Variants in PTPRN2 observed in about 807,000 individuals in gnomAD.
The protein encoded by PTPRN2 is protein tyrosine phosphatase receptor type N2, also known as receptor-type tyrosine-protein phosphatase N2.
A neutral mutation model predicts 118.8 loss-of-function variants in PTPRN2; 74 were observed. The ratio of observed to expected loss-of-function variants is 0.62; its 90% CI spans 0.52 to 0.76. The LOEUF (loss-of-function observed/expected upper bound fraction) is 0.76, where lower values mean the gene tolerates loss of function less well. Among genes scored for constraint, PTPRN2 ranks in the 30% least tolerant of loss-of-function variants. PTPRN2 has a pLI of 0.00. For missense variants in PTPRN2, 1,481 were observed against 1,394.4 expected, an observed-to-expected ratio of 1.06 and a Z score of -0.99; for synonymous variants, 641 against 608.0, an observed-to-expected ratio of 1.05 and a Z score of -0.80.
intron 11 of PTPRN2, among the ~76,000 whole-genome samples, chr7:157,930,786 A>C (rs1014910898): frequency 2.0e-5 from 3 of 152,086 alleles, no homozygotes; most frequent in African/African-American, 7.2e-5. Context: ...CAGGCTGCTC[A>C]CAGGCACTGC....
intron 12 of PTPRN2, among the ~76,000 whole-genome samples, chr7:157,717,903 G>A (rs1478377905): frequency 6.6e-6 from 1 of 152,260 alleles, no homozygotes; most frequent in Non-Finnish European, 1.5e-5. Context: ...AGGTTTATAT[G>A]AAGCCATTTT....
chr7:158,447,548 G>C (rs993099156), intron 2 of PTPRN2, among the ~76,000 whole-genome samples: 1 of 152,162 alleles, frequency 6.6e-6, no homozygotes, highest in Non-Finnish European at 1.5e-5. Flanking sequence ...CTGCCCACGC[G>C]GCCCGATAAG....
chr7:157,849,897 C>T (rs770635328), intron 12 of PTPRN2, among the ~76,000 whole-genome samples: 8 of 152,194 alleles, frequency 5.3e-5, no homozygotes, highest in Non-Finnish European at 1.2e-4. Flanking sequence ...GACCCTTCAC[C>T]GCTGGCCCTG....
At chr7:157,937,209 G>A (rs1035387051) in intron 11 of PTPRN2, among the ~76,000 whole-genome samples, 2 of 152,166 alleles carry the variant, frequency 1.3e-5, no homozygotes. Context: ...TCCTTAGCCC[G>A]AGTGACCACG....
rs150001137 is a variant in PTPRN2 at position 157,786,473 on chromosome 7, C to T, written c.1789-103536G>A. Among the ~76,000 whole-genome samples, 454 of 152,346 alleles carry T rather than the reference C, an allele frequency of 3.0e-3. 3 individuals carry two copies. Among genetic ancestry groups the T allele is most frequent in the African/African-American group, 9.8e-3 (408 of 41,568 alleles). On this transcript the variant is annotated intron_variant, in intron 12 of 22. Coordinates refer to ENST00000389418, the MANE Select transcript of PTPRN2 (RefSeq NM_002847.5). Reference sequence around the variant, plus strand: ...GTCCCATTCACAAAGCACTCCTGGGCACTGTCCCAGCTGTGGATGGCACTG... The same window carrying T: ...GTCCCATTCACAAAGCACTCCTGGGTACTGTCCCAGCTGTGGATGGCACTG...
intron 15 of PTPRN2, among the ~76,000 whole-genome samples, chr7:157,612,479 G>T (rs1036819142): frequency 6.6e-6 from 1 of 152,246 alleles, no homozygotes; most frequent in Admixed American, 6.5e-5. Context: ...CAGCTCACAC[G>T]CCTTATCACC....
intron 3 of PTPRN2, among the ~76,000 whole-genome samples, chr7:158,279,156 C>T (rs1799241195): frequency 1.3e-5 from 2 of 152,328 alleles, no homozygotes; most frequent in South Asian, 2.1e-4. Flanking sequence ...CATATCTGGC[C>T]GCACCTACAT....
intron 11 of PTPRN2, among the ~76,000 whole-genome samples, chr7:157,945,928 A>G (rs2128796467): frequency 6.6e-6 from 1 of 152,150 alleles, no homozygotes; most frequent in Middle Eastern, 3.4e-3. Flanking sequence ...CCCTTCCTGG[A>G]CATCCCTACC....
At chr7:158,337,616 GAGGAGACACCTGCAGACGTCATTC>G (rs1563168168) in intron 2 of PTPRN2, among the ~76,000 whole-genome samples, 6 of 32,478 alleles carry the variant, frequency 1.8e-4, no homozygotes, top group Non-Finnish European at 4.4e-4. Flanking sequence ...CTCACCATAA[GAGGAGACACCTGCAGACGTCATTC>G]ACACCCACAC....
chr7:157,669,875 C>T (rs1045195341), intron 13 of PTPRN2, among the ~76,000 whole-genome samples: 17 of 152,244 alleles, frequency 1.1e-4, no homozygotes, highest in South Asian at 6.2e-4. Flanking sequence ...GGCATCCAGG[C>T]GTGTGCTGTT....
intron 14 of PTPRN2, among the ~76,000 whole-genome samples, chr7:157,642,750 T>C (rs1403137070): frequency 6.9e-6 from 1 of 145,866 alleles, no homozygotes; most frequent in Non-Finnish European, 1.5e-5. Flanking sequence ...GGATGCTTGA[T>C]TCCACTTCTT....
intron 2 of PTPRN2, among the ~76,000 whole-genome samples, chr7:158,486,162 C>T (rs550201277): frequency 1.7e-4 from 26 of 152,362 alleles, no homozygotes; most frequent in African/African-American, 5.5e-4. Flanking sequence ...TCTCACACAT[C>T]AGATTGCCGG....
intron 3 of PTPRN2, among the ~76,000 whole-genome samples, chr7:158,313,028 C>A (rs7806303): frequency 0.91 from 137,467 of 151,766 alleles, 62,618 homozygotes; most frequent in Non-Finnish European, 0.96. Context: ...GTGTGGGTAT[C>A]TACACATGAG....
chr7:157,644,935 T>C (rs759035799), intron 14 of PTPRN2, among the ~76,000 whole-genome samples: 29 of 152,318 alleles, frequency 1.9e-4, no homozygotes, highest in Middle Eastern at 3.4e-3. Context: ...GGCTCCTTTC[T>C]CACCTGGTCA....
chr7:157,710,292 A>G (rs1015713592), intron 12 of PTPRN2, among the ~76,000 whole-genome samples: 1 of 152,182 alleles, frequency 6.6e-6, no homozygotes, highest in Non-Finnish European at 1.5e-5. Flanking sequence ...TGATGTGAGA[A>G]GACAGTGACT....
At chr7:158,387,152 G>T (rs1295378605) in intron 2 of PTPRN2, among the ~76,000 whole-genome samples, 1 of 152,346 alleles carries the variant, frequency 6.6e-6, no homozygotes, top group South Asian at 2.1e-4. Flanking sequence ...GGAAAGTCCT[G>T]CCCTAAGTGG....
intron 3 of PTPRN2, among the ~76,000 whole-genome samples, chr7:158,238,109 C>CCT (rs1324789461): frequency 6.6e-6 from 1 of 152,156 alleles, no homozygotes; most frequent in Non-Finnish European, 1.5e-5. Context: ...CCCCGTCCTG[C>CCT]CTCTCGGGGC....
chr7:158,043,739 A>G (rs1345119977), intron 11 of PTPRN2, among the ~76,000 whole-genome samples: 1 of 152,234 alleles, frequency 6.6e-6, no homozygotes, highest in Non-Finnish European at 1.5e-5. Context: ...ATGCCAGGGC[A>G]CCCAAGTAAG....
chr7:158,387,542 T>G, intron 2 of PTPRN2, among the ~76,000 whole-genome samples: 2 of 152,304 alleles, frequency 1.3e-5, no homozygotes, highest in African/African-American at 2.4e-5. Context: ...CTGGGGGGAC[T>G]GGACTCCAGG....
Sources: gnomAD v4.1 joint callset for allele counts (sites outside exome capture counted in the v4.1 genomes callset) on GRCh38, gnomAD v4.1.1 for gene constraint, MANE v1.5 for transcripts, NCBI Gene and HGNC (gene_info 2026-07-23, HGNC 2026-07-21) for gene names.